The following PKHD1 variants were observed in gnomAD, a reference collection of about 807,000 sequenced individuals.
PKHD1 encodes PKHD1 ciliary IPT domain containing fibrocystin/polyductin, also known as fibrocystin.
In PKHD1, 291 loss-of-function variants were observed where a neutral mutation model predicts 412.0. The ratio of observed to expected loss-of-function variants is 0.71; its 90% CI spans 0.64 to 0.78. PKHD1 has a LOEUF of 0.78. Ranked by LOEUF, PKHD1 falls within the 30% of genes least tolerant of loss-of-function variation. The pLI, the probability that PKHD1 is intolerant of heterozygous loss-of-function variation, is 0.00. For missense variants in PKHD1, 4,825 were observed against 4,950.7 expected (o/e 0.97, Z 0.76); for synonymous variants, 1,777 against 1,821.5 (o/e 0.98, Z 0.62).
chr6:51,843,036 C>T (rs1770514030), intron 50 of PKHD1, among the ~76,000 whole-genome samples: 1 of 152,210 alleles, frequency 6.6e-6, no homozygotes, highest in Non-Finnish European at 1.5e-5. Context: ...ACCAAGCAAA[C>T]ATCCTTCTTT....
intron 60 of PKHD1, among the ~76,000 whole-genome samples, chr6:51,713,346 T>C (rs534310550): frequency 1.3e-5 from 2 of 152,298 alleles, no homozygotes; most frequent in South Asian, 4.1e-4. Flanking sequence ...CTTCCTTCCC[T>C]CAGCCCAAGC....
chr6:51,703,349 G>C (rs1779671468), intron 60 of PKHD1, among the ~76,000 whole-genome samples: 1 of 151,914 alleles, frequency 6.6e-6, no homozygotes, highest in East Asian at 1.9e-4. Flanking sequence ...GGACTGTGAG[G>C]ATACAGTCAA....
intron 9 of PKHD1, 146 bp from the exon 10 acceptor site, chr6:52,070,591 C>A (rs1810464088): frequency 4.6e-5 from 28 of 605,460 alleles, no homozygotes; most frequent in South Asian, 3.7e-4. Flanking sequence ...CCCGCAAAAA[C>A]AAACAAACAA....
intron 60 of PKHD1, among the ~76,000 whole-genome samples, chr6:51,705,565 C>T (rs553125219): frequency 1.3e-5 from 2 of 152,232 alleles, no homozygotes; most frequent in African/African-American, 4.8e-5. Context: ...CAGAACTCCA[C>T]GATACACCTG....
intron 66 of PKHD1, among the ~76,000 whole-genome samples, chr6:51,624,616 C>A (rs1241957030): frequency 2.0e-5 from 3 of 151,988 alleles, no homozygotes; most frequent in African/African-American, 4.8e-5. Context: ...CTTTTTTTTC[C>A]CCAGCAGTTG....
chr6:51,836,533 C>A, intron 50 of PKHD1, 64 bp from the exon 51 acceptor site: 1 of 1,164,374 alleles, frequency 8.6e-7, no homozygotes, highest in Non-Finnish European at 1.3e-6. Context: ...AAGACAGTCA[C>A]ACGTGAGAAA....
rs755208270 is a variant in PKHD1, at chr6:52,014,667, GGATA to G, written c.5600+2739_5600+2742del. Among the ~76,000 whole-genome samples, 544 of 149,058 alleles carry G rather than the reference GGATA, an allele frequency of 3.6e-3. 3 individuals are homozygous for G. Among genetic ancestry groups the G allele is most frequent in the Middle Eastern group, 7.3e-3 (2 of 274 alleles). ...TGGATGAATGGATTGATGGATGGAT[GGATA>G]GATGGATGGATGGATGAATATACTG... On this transcript the variant is annotated intron_variant, in intron 34 of 66. Transcript: ENST00000371117.
chr6:52,064,089 T>G (rs116548856), intron 13 of PKHD1, among the ~76,000 whole-genome samples: 2,399 of 152,332 alleles, frequency 0.016, 55 homozygotes, highest in African/African-American at 0.055. Flanking sequence ...AAGCCAAAAC[T>G]TTGCATGCAT....
At chr6:51,801,222 A>G (rs138104624) in intron 52 of PKHD1, among the ~76,000 whole-genome samples, 1 of 152,316 alleles carries the variant, frequency 6.6e-6, no homozygotes, top group East Asian at 1.9e-4. Context: ...ATGAATGATA[A>G]CATCCAAGAA....
chr6:51,736,526 GT>G (rs1277694167), intron 60 of PKHD1, among the ~76,000 whole-genome samples: 1 of 152,112 alleles, frequency 6.6e-6, no homozygotes, highest in Non-Finnish European at 1.5e-5. Context: ...AGACTCCACT[GT>G]GCCTTTATAT....
intron 22 of PKHD1, 41 bp from the exon 23 acceptor site, chr6:52,048,660 G>T (rs1027873896): frequency 1.4e-5 from 23 of 1,612,462 alleles, no homozygotes; most frequent in Non-Finnish European, 1.7e-5. Flanking sequence ...TCTGGGTTGG[G>T]GTGTGCACCT....
intron 60 of PKHD1, among the ~76,000 whole-genome samples, chr6:51,715,987 G>A (rs1370971792): frequency 1.3e-5 from 2 of 152,082 alleles, no homozygotes; most frequent in Non-Finnish European, 2.9e-5. Flanking sequence ...TTCTAGAGAT[G>A]GATACTGGCT....
At chr6:52,005,911 T>G (rs781416216) in intron 35 of PKHD1, among the ~76,000 whole-genome samples, 8 of 150,296 alleles carry the variant, frequency 5.3e-5, no homozygotes, top group Non-Finnish European at 1.0e-4. Context: ...ACCAGTTATC[T>G]TGTGATAAGA....
At chr6:51,920,016 G>T (rs1344839376) in intron 37 of PKHD1, among the ~76,000 whole-genome samples, 1 of 152,234 alleles carries the variant, frequency 6.6e-6, no homozygotes, top group Non-Finnish European at 1.5e-5. Context: ...TCAGCTTAAG[G>T]AGATTCTGGG....
At chr6:51,860,810 T>TTTA (rs950602169) in intron 48 of PKHD1, among the ~76,000 whole-genome samples, 4 of 151,830 alleles carry the variant, frequency 2.6e-5, no homozygotes, top group Non-Finnish European at 4.4e-5. Flanking sequence ...TATTTTTTAT[T>TTTA]TTATTATTAT....
chr6:51,960,013 A>G lies in PKHD1; in HGVS notation c.5765T>C (p.Leu1922Ser). Residue 1922 changes from leucine to serine, a missense_variant, in exon 36 of 67, where the codon TTA becomes TCA. By Grantham distance (145) the Leu-to-Ser change is moderately radical. Coordinates refer to ENST00000371117, the MANE Select transcript of PKHD1 (RefSeq NM_138694.4). ...WGQNTQGNFS[L>S]QFCRRWSRTH... is the part of the protein sequence containing the mutation. ...CCTGGACCATCTCCGGCAGAACTGT[A>G]AAGAAAAGTTGCCCTGGAAAACAGA... is the stretch of plus-strand genomic sequence containing the variant. The G allele has an allele frequency of 1.2e-6, 2 of 1,613,328 alleles. No homozygotes were observed. Among genetic ancestry groups the G allele is most frequent in the Non-Finnish European group, 1.7e-6 (2 of 1,179,520 alleles).
Position 51,772,798 on chromosome 6 carries a change from A to G in PKHD1, c.8555-9T>C. 3 of 1,458,820 alleles carry G rather than the reference A, an allele frequency of 2.1e-6. No individual in the cohort carries two copies. The highest frequency in any genetic ancestry group is 2.9e-6 in the Non-Finnish European group (3 of 1,039,030). The allele number at this position is 1,458,820 out of a possible 1,614,324, so 90.4% of individuals were successfully genotyped here. A position where few individuals can be genotyped will look rare whatever the true frequency, so the allele number is the denominator to read the frequency against. ...AACTTTCCCATAAACCCCTGAAAAT[A>G]AAAGGAGTAACAGTTGGATAGAAAA... is the stretch of plus-strand genomic sequence containing the variant. On this transcript the variant is annotated splice_polypyrimidine_tract_variant and intron_variant, in intron 54 of 66. Coordinates refer to ENST00000371117, the MANE Select transcript of PKHD1 (RefSeq NM_138694.4).
intron 53 of PKHD1, among the ~76,000 whole-genome samples, chr6:51,776,739 TA>T (rs1465614243): frequency 6.6e-6 from 1 of 152,032 alleles, no homozygotes; most frequent in Non-Finnish European, 1.5e-5. Context: ...ATTTAACAGA[TA>T]AGAGGTTATT....
chr6:51,682,534 T>C (rs1014632619), intron 60 of PKHD1, among the ~76,000 whole-genome samples: 3 of 152,082 alleles, frequency 2.0e-5, no homozygotes, highest in Non-Finnish European at 4.4e-5. Flanking sequence ...TTATTATATT[T>C]GGGCTTTGCT....
Sources: allele counts gnomAD v4.1 joint callset (sites outside exome capture counted in the v4.1 genomes callset), GRCh38; gene constraint gnomAD v4.1.1; transcripts MANE v1.5; gene names NCBI Gene and HGNC (gene_info 2026-07-23, HGNC 2026-07-21).